Variants in PTPRN2 observed in about 807,000 individuals in gnomAD.
PTPRN2 encodes the protein protein tyrosine phosphatase receptor type N2.
PTPRN2 carries 74 observed loss-of-function variants against 118.8 expected under a neutral mutation model. That is an observed-to-expected ratio of 0.62 (90% confidence interval 0.52 to 0.76). The LOEUF (loss-of-function observed/expected upper bound fraction) is 0.76. Among genes scored for constraint, PTPRN2 ranks in the 30% least tolerant of loss-of-function variants. The pLI is 0.00. For missense variants in PTPRN2, 1,481 were observed against 1,394.4 expected (o/e 1.06, Z -0.99); for synonymous variants, 641 against 608.0 (o/e 1.05, Z -0.80).
intron 11 of PTPRN2, among the ~76,000 whole-genome samples, chr7:158,061,326 A>G (rs192449720): frequency 6.6e-6 from 1 of 152,356 alleles, no homozygotes; most frequent in Non-Finnish European, 1.5e-5. Context: ...CGCAGGGATG[A>G]AGCCACAGGC....
Position 158,084,560 on chromosome 7 carries a change from C to T in PTPRN2, c.1644-3183G>A, listed in dbSNP as rs920154613. 7.9e-5 allele frequency among the ~76,000 whole-genome samples: 12 copies of T among 152,070 alleles called. 1 individual carries two copies. Among genetic ancestry groups the T allele is most frequent in the Admixed American group, 6.5e-4 (10 of 15,276 alleles). On this transcript the variant is annotated intron_variant, in intron 10 of 22. Transcript: ENST00000389418. ...TAAAACAAAGATGCCTAGAGCCCTGCAGAGTCTCTTAGGAGCAAGTACTGC... is the reference window on the plus strand; with the variant it reads ...TAAAACAAAGATGCCTAGAGCCCTGTAGAGTCTCTTAGGAGCAAGTACTGC...
chr7:158,233,949 T>C (rs1190452233), intron 3 of PTPRN2, among the ~76,000 whole-genome samples: 2 of 152,144 alleles, frequency 1.3e-5, no homozygotes, highest in Non-Finnish European at 2.9e-5. Flanking sequence ...CTCCTATGTC[T>C]CACCATATAC....
chr7:157,677,302 C>T lies in PTPRN2; in HGVS notation c.2001+5423G>A, dbSNP rs187075325. 1.1e-4 allele frequency among the ~76,000 whole-genome samples: 17 copies of T among 152,142 alleles called. 1 individual carries two copies. Among genetic ancestry groups the T allele is most frequent in the Admixed American group, 5.9e-4 (9 of 15,282 alleles). ...TTTTTTATTTCCAAATATCTCACTG[C>T]GTGGTCTCTGTGATTTTAATTAAGT... On this transcript the variant is annotated intron_variant, in intron 13 of 22. Coordinates refer to ENST00000389418, the MANE Select transcript of PTPRN2 (RefSeq NM_002847.5).
chr7:158,491,538 G>A (rs552149568), intron 1 of PTPRN2, among the ~76,000 whole-genome samples: 137 of 152,210 alleles, frequency 9.0e-4, no homozygotes, highest in Non-Finnish European at 1.6e-3. Flanking sequence ...CACCCAGGCT[G>A]GAGTGCAATG....
chr7:158,309,139 A>G (rs1028413655), intron 3 of PTPRN2, among the ~76,000 whole-genome samples: 1 of 152,200 alleles, frequency 6.6e-6, no homozygotes, highest in Non-Finnish European at 1.5e-5. Flanking sequence ...GATGGTTAAT[A>G]TTGAGTGTCA....
chr7:157,649,584 T>A (rs557902671), intron 14 of PTPRN2, among the ~76,000 whole-genome samples: 280 of 91,390 alleles, frequency 3.1e-3, no homozygotes, highest in South Asian at 0.01. Context: ...ACTCGGTGGG[T>A]CGGACCCATT....
chr7:157,896,189 C>T (rs1261895312), intron 12 of PTPRN2, among the ~76,000 whole-genome samples: 3 of 150,468 alleles, frequency 2.0e-5, no homozygotes, highest in African/African-American at 7.4e-5. Flanking sequence ...AGATGAAACC[C>T]AGATCCCCCA....
chr7:157,612,781 C>T (rs531743146), intron 15 of PTPRN2, among the ~76,000 whole-genome samples: 22 of 152,274 alleles, frequency 1.4e-4, no homozygotes, highest in Non-Finnish European at 2.6e-4. Context: ...AAACAGCTCG[C>T]GGGAGCAACT....
At chr7:157,925,038 C>T (rs112700805) in intron 11 of PTPRN2, among the ~76,000 whole-genome samples, 1,268 of 53,120 alleles carry the variant, frequency 0.024, 147 homozygotes, top group Admixed American at 0.054. Context: ...GCATTTAGCA[C>T]GTCAGGCAAA....
At chr7:157,938,470 G>A (rs1401907032) in intron 11 of PTPRN2, among the ~76,000 whole-genome samples, 1 of 152,196 alleles carries the variant, frequency 6.6e-6, no homozygotes, top group Non-Finnish European at 1.5e-5. Context: ...AGACCTGCAG[G>A]CCCAGCCATG....
intron 13 of PTPRN2, among the ~76,000 whole-genome samples, chr7:157,672,962 T>A (rs1004479873): frequency 6.6e-6 from 1 of 152,258 alleles, no homozygotes; most frequent in African/African-American, 2.4e-5. Flanking sequence ...ATTATTATCC[T>A]GTACATTAAA....
At chr7:158,053,210 T>C (rs532007499) in intron 11 of PTPRN2, among the ~76,000 whole-genome samples, 2 of 152,334 alleles carry the variant, frequency 1.3e-5, no homozygotes, top group South Asian at 2.1e-4. Flanking sequence ...TGAGTGTGCC[T>C]TCATGGTTGG....
chr7:158,288,381 G>A (rs939823753), intron 3 of PTPRN2, among the ~76,000 whole-genome samples: 1 of 152,030 alleles, frequency 6.6e-6, no homozygotes, highest in South Asian at 2.1e-4. Flanking sequence ...CTCTGTGTCT[G>A]TCTTCCCTTA....
intron 3 of PTPRN2, among the ~76,000 whole-genome samples, chr7:158,287,561 A>T (rs1415387677): frequency 6.6e-6 from 1 of 151,870 alleles, no homozygotes; most frequent in East Asian, 1.9e-4. Context: ...TTCTCTTTTT[A>T]ATTTCTTCTT....
At chr7:158,002,645 C>T (rs547084335) in intron 11 of PTPRN2, among the ~76,000 whole-genome samples, 1 of 152,140 alleles carries the variant, frequency 6.6e-6, no homozygotes, top group Non-Finnish European at 1.5e-5. Context: ...AAGGACACCA[C>T]GGGGGTCAGG....
At chr7:158,191,936 T>C (rs1377191438) in intron 5 of PTPRN2, among the ~76,000 whole-genome samples, 5 of 152,162 alleles carry the variant, frequency 3.3e-5, no homozygotes, top group African/African-American at 7.2e-5. Context: ...GCCATGTTCA[T>C]GGCCCCTCAG....
At chr7:157,980,002 G>A (rs1194997377) in intron 11 of PTPRN2, among the ~76,000 whole-genome samples, 2 of 152,170 alleles carry the variant, frequency 1.3e-5, no homozygotes, top group Non-Finnish European at 2.9e-5. Context: ...TATTTCCTCA[G>A]CAATACAAGG....
intron 13 of PTPRN2, among the ~76,000 whole-genome samples, chr7:157,669,788 G>A (rs116844959): frequency 0.01 from 1,540 of 152,298 alleles, 55 homozygotes; most frequent in South Asian, 0.098. Flanking sequence ...CTCTCCGCTC[G>A]CTCAGCCCCC....
chr7:157,983,415 C>T (rs1446374065), intron 11 of PTPRN2, among the ~76,000 whole-genome samples: 4 of 152,096 alleles, frequency 2.6e-5, no homozygotes, highest in South Asian at 2.1e-4. Context: ...CCCTAAACCC[C>T]GAGTCATAGA....
Sources: allele counts gnomAD v4.1 joint callset (sites outside exome capture counted in the v4.1 genomes callset), GRCh38; gene constraint gnomAD v4.1.1; transcripts MANE v1.5; gene names NCBI Gene and HGNC (gene_info 2026-07-23, HGNC 2026-07-21).